LUM: variants seen among roughly 807,000 people sequenced by gnomAD.
The protein encoded by LUM is lumican.
Under a neutral mutation model 20.5 loss-of-function variants are expected in LUM, and 13 were observed. The observed-to-expected ratio is 0.63, with a 90% CI of 0.41 to 1.01. LUM has a LOEUF of 1.01. Ranked by LOEUF, LUM falls within the 50% of genes least tolerant of loss-of-function variation. LUM has a pLI of 0.00. For synonymous variants in LUM, 173 were observed against 151.5 expected, an observed-to-expected ratio of 1.14 and a Z score of -1.04; for missense variants, 321 against 391.1, an observed-to-expected ratio of 0.82 and a Z score of 1.51.
At chr12:91,107,007 A>G (rs1057413148) in intron 2 of LUM, among the ~76,000 whole-genome samples, 2 of 151,688 alleles carry the variant, frequency 1.3e-5, no homozygotes, top group African/African-American at 2.4e-5. Flanking sequence ...CCCCATCTCT[A>G]CTAAAAACAT....
In LUM at chr12:91,108,455, A is replaced by T; in HGVS notation, c.525T>A (p.Ala175=). The part of the protein sequence containing the change: ...HLQHNRLKED[A]VSAAFKGLKS... Reference sequence around the variant, plus strand: ...TAAGACCTTTAAAAGCAGCTGAAACAGCATCCTCTTTCAGCCGATTGTGCT... The same window carrying T: ...TAAGACCTTTAAAAGCAGCTGAAACTGCATCCTCTTTCAGCCGATTGTGCT... The change falls in exon 2 of 3, where the codon GCT becomes GCA. Residue 175 remains alanine (A), a synonymous_variant. Coordinates refer to ENST00000266718, the MANE Select transcript of LUM (RefSeq NM_002345.4). The surrounding 1 kb of genome is among the most constrained non-coding windows in gnomAD (Gnocchi z 4.2). 5 of 1,614,146 alleles carry T rather than the reference A, an allele frequency of 3.1e-6. No individual in the cohort carries two copies. The highest frequency in any genetic ancestry group is 4.2e-6 in the Non-Finnish European group (5 of 1,180,008).
rs79146891 is a variant in LUM, at chr12:91,108,089, A to T, written c.862+29T>A. On this transcript the variant is annotated intron_variant, in intron 2 of 2. Transcript: ENST00000266718. This position sits in a 1 kb window ranked among gnomAD's most constrained non-coding sequence, Gnocchi z 4.2. ...CAGGTATTTAAACACTTGAGCACAC[A>T]TCAAACACAGGAACAGCTTTTTACT... 8.1e-4 allele frequency: 1,303 copies of T among 1,612,878 alleles called. 9 individuals carry two copies. In the East Asian group the frequency reaches 0.015, roughly 18 times the overall value.
In LUM at chr12:91,107,238, G is replaced by GAA. The variant is rs1880067676; in HGVS notation, c.862+879_862+880insTT. 7.4e-5 allele frequency among the ~76,000 whole-genome samples: 5 copies of GAA among 67,298 alleles called. 1 individual carries two copies. The highest frequency in any genetic ancestry group is 2.6e-4 in the African/African-American group (5 of 18,986). The allele number at this position is 67,298 out of a possible 152,430, so 44.2% of individuals were successfully genotyped here. Reference sequence around the variant, plus strand: ...AAGAGAGAAAGAAGAAAGAAAGAAAGGAAAGAAAGAAAGAAAGAAAGAAAG... The same window carrying GAA: ...AAGAGAGAAAGAAGAAAGAAAGAAAGAAGAAAGAAAGAAAGAAAGAAAGAAAG... On this transcript the variant is annotated intron_variant, in intron 2 of 2. Coordinates refer to ENST00000266718, the MANE Select transcript of LUM (RefSeq NM_002345.4).
At chr12:91,109,049 G>A (rs1313839280) in intron 1 of LUM, 49 bp from the exon 2 acceptor site, 4 of 1,270,930 alleles carry the variant, frequency 3.1e-6, no homozygotes, top group Non-Finnish European at 4.4e-6. Flanking sequence ...ATACTTTCAA[G>A]AAAAAGACAT....
At chr12:91,107,287 GAGAAAGAAAGAAAGAA>G (rs869096187) in intron 2 of LUM, among the ~76,000 whole-genome samples, 12 of 61,328 alleles carry the variant, frequency 2.0e-4, no homozygotes, top group Admixed American at 8.5e-4. Context: ...AAGAAAGAAA[GAGAAAGAAAGAAAGAA>G]AGAAAGAAAG....
At chr12:91,104,570 A>T (rs1438220630) in intron 2 of LUM, among the ~76,000 whole-genome samples, 5 of 152,118 alleles carry the variant, frequency 3.3e-5, no homozygotes, top group Non-Finnish European at 5.9e-5. Context: ...AACAGAACTT[A>T]TTTTATTACT....
intron 1 of LUM, 48 bp from the exon 2 acceptor site, chr12:91,109,048 A>G: frequency 7.8e-7 from 1 of 1,274,104 alleles, no homozygotes; most frequent in South Asian, 1.4e-5. Flanking sequence ...TATACTTTCA[A>G]GAAAAAGACA....
intron 1 of LUM, among the ~76,000 whole-genome samples, chr12:91,110,370 G>C (rs1215534382): frequency 1.3e-5 from 2 of 152,052 alleles, no homozygotes; most frequent in Non-Finnish European, 2.9e-5. Context: ...AGATCAGATG[G>C]AACGTTATAA....
Position 91,108,948 on chromosome 12 carries a change from G to A in LUM, c.32C>T (p.Ala11Val), listed in dbSNP as rs577456426. MSLSAFTLFL[A>V]LIGGTSGQYY... ...CTGGCCACTGGTACCACCAATCAAT[G>A]CCAGGAAGAGAGTAAATGCACTTAG... The change falls in exon 2 of 3, where the codon GCA (alanine) becomes GTA (valine). Residue 11 changes from alanine to valine, a missense_variant. Coordinates refer to ENST00000266718, the MANE Select transcript of LUM (RefSeq NM_002345.4). This position sits in a 1 kb window ranked among gnomAD's most constrained non-coding sequence, Gnocchi z 4.2. The A allele has an allele frequency of 1.5e-5, 24 of 1,613,510 alleles. No individual in the cohort carries two copies. The African/African-American group carries it at 2.4e-4, about 16-fold the overall frequency.
At position 91,107,307 on chromosome 12, in the gene LUM, A is replaced by G. The variant is rs865854207; in HGVS notation, c.862+811T>C. Among the ~76,000 whole-genome samples the G allele has an allele frequency of 1.4e-3, 193 of 138,576 alleles. 1 individual carries two copies. Among genetic ancestry groups the G allele is most frequent in the African/African-American group, 5.5e-3 (187 of 34,132 alleles). The allele number at this position is 138,576 out of a possible 152,430, so 90.9% of individuals were successfully genotyped here. A position where few individuals can be genotyped will look rare whatever the true frequency, so the allele number is the denominator to read the frequency against. On this transcript the variant is annotated intron_variant, in intron 2 of 2. Coordinates refer to ENST00000266718, the MANE Select transcript of LUM (RefSeq NM_002345.4). Reference sequence around the variant, plus strand: ...AGAAAGAGAAAGAAAGAAAGAAAGAAAGAAAGAAAGAAAGAAAGAAAGAAA... The same window carrying G: ...AGAAAGAGAAAGAAAGAAAGAAAGAGAGAAAGAAAGAAAGAAAGAAAGAAA...
At chr12:91,110,268 C>G (rs1290801510) in intron 1 of LUM, among the ~76,000 whole-genome samples, 1 of 152,112 alleles carries the variant, frequency 6.6e-6, no homozygotes, top group African/African-American at 2.4e-5. Context: ...GCTTTTGGAT[C>G]AAAGTAGTTT....
Position 91,104,087 on chromosome 12 carries a change from CAG to C in LUM, c.*76_*77del. ...TTTTAAAATTCATGGAAGTAATAAA[CAG>C]TAATAAAATATGGATACTATGAAAA... On this transcript the variant is annotated 3_prime_UTR_variant, in exon 3 of 3. Coordinates refer to ENST00000266718, the MANE Select transcript of LUM (RefSeq NM_002345.4). 8.8e-7 allele frequency: 1 copy of C among 1,138,544 alleles called. No individual in the cohort carries two copies. Among genetic ancestry groups the C allele is most frequent in the East Asian group, 2.4e-5 (1 of 41,410 alleles). The allele number at this position is 1,138,544 out of a possible 1,614,324, so 70.5% of individuals were successfully genotyped here.
chr12:91,104,431 AAG>A (rs1398093938), intron 2 of LUM, 112 bp from the exon 3 acceptor site: 19 of 721,676 alleles, frequency 2.6e-5, no homozygotes, highest in Middle Eastern at 4.0e-4. Flanking sequence ...CCATTTAGAA[AAG>A]TCATAATATA....
intron 2 of LUM, among the ~76,000 whole-genome samples, chr12:91,107,321 GA>G (rs796665281): frequency 3.4e-5 from 4 of 118,096 alleles, no homozygotes; most frequent in Admixed American, 9.2e-5. Context: ...AAGAAAGAAA[GA>G]AAGAAAGAAA....
At chr12:91,105,743 C>G (rs1263048277) in intron 2 of LUM, among the ~76,000 whole-genome samples, 1 of 152,228 alleles carries the variant, frequency 6.6e-6, no homozygotes, top group Non-Finnish European at 1.5e-5. Context: ...CTCAGCTTGG[C>G]ACTGACAGGC....
In LUM at chr12:91,108,040, A is replaced by T. The variant is rs552839956; in HGVS notation, c.862+78T>A. 14 of 1,486,196 alleles carry T rather than the reference A, an allele frequency of 9.4e-6. No homozygotes were observed. The Admixed American group carries it at 1.3e-4, about 14-fold the overall frequency. The allele number at this position is 1,486,196 out of a possible 1,614,324, so 92.1% of individuals were successfully genotyped here. A position where few individuals can be genotyped will look rare whatever the true frequency, so the allele number is the denominator to read the frequency against. On this transcript the variant is annotated intron_variant, in intron 2 of 2. Transcript: ENST00000266718. The surrounding 1 kb of genome is among the most constrained non-coding windows in gnomAD (Gnocchi z 4.2). The stretch of plus-strand genomic sequence containing the variant: ...CATTTTGTTTTTTTAATGGAGCCAG[A>T]TGCAATATCTGTGTTGTGCAGCCCA...
rs866936366 is a variant in LUM at position 91,107,072 on chromosome 12, G to C, written c.862+1046C>G. Among the ~76,000 whole-genome samples, 12 of 150,494 alleles carry C rather than the reference G, an allele frequency of 8.0e-5. No homozygotes were observed. The Middle Eastern group carries it at 0.01, about 128-fold the overall frequency. ...GAGGTGGGAGAATCGCCTGAGCCTG[G>C]GGGGTGGAGGTTGCAATGAGCCGAG... On this transcript the variant is annotated intron_variant, in intron 2 of 2. Transcript: ENST00000266718.
Position 91,108,447 on chromosome 12 carries a change from G to T in LUM, c.533C>A (p.Ala178Asp), listed in dbSNP as rs755542891. 2 of 1,614,134 alleles carry T rather than the reference G, an allele frequency of 1.2e-6. No homozygotes were observed. Among genetic ancestry groups the T allele is most frequent in the African/African-American group, 1.3e-5 (1 of 75,048 alleles). The change falls in exon 2 of 3, where the codon GCT (alanine) becomes GAT (aspartate). Residue 178 changes from alanine to aspartate, a missense_variant. Ala to Asp is a moderately radical substitution (Grantham distance 126). Coordinates refer to ENST00000266718, the MANE Select transcript of LUM (RefSeq NM_002345.4). This position sits in a 1 kb window ranked among gnomAD's most constrained non-coding sequence, Gnocchi z 4.2. ...HNRLKEDAVS[A>D]AFKGLKSLEY... ...GAGTGATTTAAGACCTTTAAAAGCA[G>T]CTGAAACAGCATCCTCTTTCAGCCG...
chr12:91,108,049 C>T lies in LUM; in HGVS notation c.862+69G>A, dbSNP rs1254683570. 2 of 1,525,736 alleles carry T rather than the reference C, an allele frequency of 1.3e-6. No homozygotes were observed. The highest frequency in any genetic ancestry group is 1.7e-5 in the Admixed American group (1 of 59,880). 94.5% of individuals were successfully genotyped at this position (1,525,736 alleles called of 1,614,324 possible). A position where few individuals can be genotyped will look rare whatever the true frequency, so the allele number is the denominator to read the frequency against. On this transcript the variant is annotated intron_variant, in intron 2 of 2. Transcript: ENST00000266718. The surrounding 1 kb of genome is among the most constrained non-coding windows in gnomAD (Gnocchi z 4.2). ...TTTTTAATGGAGCCAGATGCAATAT[C>T]TGTGTTGTGCAGCCCAGGTATTTAA... is the stretch of plus-strand genomic sequence containing the variant.
Sources: allele counts gnomAD v4.1 joint callset (sites outside exome capture counted in the v4.1 genomes callset), GRCh38; gene constraint gnomAD v4.1.1; non-coding constraint Gnocchi (gnomAD v3.1); transcripts MANE v1.5; gene names NCBI Gene and HGNC (gene_info 2026-07-23, HGNC 2026-07-21).